Variants in RBFOX1 observed in about 807,000 individuals in gnomAD.
RBFOX1 encodes the protein RNA binding fox-1 homolog 1, also known as RNA binding protein fox-1 homolog 1.
Under a neutral mutation model 57.7 loss-of-function variants are expected in RBFOX1, and 8 were observed. That is an observed-to-expected ratio of 0.14 (90% CI 0.08 to 0.25). The LOEUF (loss-of-function observed/expected upper bound fraction) is 0.25. Among genes scored for constraint, RBFOX1 ranks in the 10% least tolerant of loss-of-function variants. RBFOX1 has a pLI of 1.00. For missense variants in RBFOX1, 611 were observed against 548.5 expected, an observed-to-expected ratio of 1.11 and a Z score of -1.14; for synonymous variants, 326 against 222.4, an observed-to-expected ratio of 1.47 and a Z score of -4.15.
intron 3 of RBFOX1, among the ~76,000 whole-genome samples, chr16:5,827,484 C>A (rs1291898765): frequency 1.3e-5 from 2 of 151,828 alleles, no homozygotes. Context: ...GAAGACAACT[C>A]TCTATGCACC....
At chr16:7,479,348 C>G (rs2063413439) in intron 4 of RBFOX1, among the ~76,000 whole-genome samples, 1 of 152,024 alleles carries the variant, frequency 6.6e-6, no homozygotes, top group African/African-American at 2.4e-5. Context: ...CCAGGCTAGT[C>G]TTGAACTCCT....
At chr16:7,135,388 C>T (rs537103844) in intron 4 of RBFOX1, among the ~76,000 whole-genome samples, 124 of 152,296 alleles carry the variant, frequency 8.1e-4, no homozygotes, top group African/African-American at 2.8e-3. Context: ...AATTTATTTT[C>T]AATGAGCATG....
At chr16:5,416,450 C>T (rs992537213) in intron 1 of RBFOX1, among the ~76,000 whole-genome samples, 38 of 152,080 alleles carry the variant, frequency 2.5e-4, no homozygotes, top group Admixed American at 1.5e-3. Context: ...AACTTTTTCC[C>T]GTGTCGGTTG....
chr16:7,045,399 C>G (rs551190680), intron 3 of RBFOX1, among the ~76,000 whole-genome samples: 1 of 152,196 alleles, frequency 6.6e-6, no homozygotes, highest in East Asian at 1.9e-4. Flanking sequence ...TTGAAATATC[C>G]TTTTTCTTAT....
intron 3 of RBFOX1, among the ~76,000 whole-genome samples, chr16:6,728,291 G>A (rs565958626): frequency 1.3e-5 from 2 of 152,126 alleles, no homozygotes; most frequent in Non-Finnish European, 2.9e-5. Context: ...GAAATACAAG[G>A]TTGCAGTTTA....
intron 1 of RBFOX1, among the ~76,000 whole-genome samples, chr16:5,357,023 T>G (rs1255048740): frequency 6.6e-6 from 1 of 152,184 alleles, no homozygotes; most frequent in Non-Finnish European, 1.5e-5. Context: ...GATGGAGGCT[T>G]ACAGAGTTTA....
In RBFOX1 at chr16:6,329,910, C is replaced by A. The variant is rs555804076; in HGVS notation, c.-64+12853C>A. 3.8e-3 allele frequency among the ~76,000 whole-genome samples: 581 copies of A among 152,274 alleles called. 2 individuals are homozygous for A. Among genetic ancestry groups the A allele is most frequent in the Middle Eastern group, 0.017 (5 of 294 alleles). On this transcript the variant is annotated intron_variant, in intron 2 of 15. Transcript: ENST00000550418. ...CCCAGATCACATGACTGCACTCCAGCCTGGGTGACAGAAGTGAGACTCTGT... is the reference window on the plus strand; with the variant it reads ...CCCAGATCACATGACTGCACTCCAGACTGGGTGACAGAAGTGAGACTCTGT...
chr16:6,477,362 G>T (rs918542103), intron 2 of RBFOX1, among the ~76,000 whole-genome samples: 1 of 152,136 alleles, frequency 6.6e-6, no homozygotes, highest in African/African-American at 2.4e-5. Flanking sequence ...TGATCCATTG[G>T]CTGCAGGAAC....
In RBFOX1 at chr16:6,829,922, T is replaced by TATTTTATTTTG. The variant is rs1231267624; in HGVS notation, c.-16+175272_-16+175273insATTTTATTTTG. Among the ~76,000 whole-genome samples, 1,238 of 151,640 alleles carry TATTTTATTTTG rather than the reference T, an allele frequency of 8.2e-3. 16 individuals carry two copies. The highest frequency in any genetic ancestry group is 0.028 in the African/African-American group (1,172 of 41,304). ...CAGCCCTTTATTTTTATTTTATTTT[T>TATTTTATTTTG]TTTATTTTTTTGAGATGGAGTTTTG... is the stretch of plus-strand genomic sequence containing the variant. On this transcript the variant is annotated intron_variant, in intron 3 of 15. Transcript: ENST00000550418.
chr16:6,153,345 A>C (rs1320089100), intron 1 of RBFOX1, among the ~76,000 whole-genome samples: 1 of 152,230 alleles, frequency 6.6e-6, no homozygotes, highest in Admixed American at 6.5e-5. Flanking sequence ...AACCATTTTG[A>C]ATATTAAATA....
intron 3 of RBFOX1, among the ~76,000 whole-genome samples, chr16:5,637,086 G>C (rs904762926): frequency 3.3e-5 from 5 of 152,170 alleles, no homozygotes; most frequent in African/African-American, 1.2e-4. Flanking sequence ...TATTATCTCT[G>C]CATCATTAGC....
chr16:5,344,668 T>A (rs1340412606), intron 1 of RBFOX1, among the ~76,000 whole-genome samples: 1 of 152,228 alleles, frequency 6.6e-6, no homozygotes, highest in East Asian at 1.9e-4. Flanking sequence ...GCTGGAATTC[T>A]GAACTTCAAC....
At chr16:6,923,982 C>G (rs758453040) in intron 3 of RBFOX1, among the ~76,000 whole-genome samples, 60 of 151,980 alleles carry the variant, frequency 3.9e-4, no homozygotes, top group Non-Finnish European at 7.5e-4. Context: ...CCATCCTGGC[C>G]AACATGGTGA....
At chr16:6,544,195 C>T (rs1163700197) in intron 2 of RBFOX1, among the ~76,000 whole-genome samples, 1 of 152,182 alleles carries the variant, frequency 6.6e-6, no homozygotes, top group African/African-American at 2.4e-5. Context: ...CCCTGTTGAA[C>T]AGGCATTCAC....
At chr16:7,285,924 T>C (rs1473938756) in intron 4 of RBFOX1, among the ~76,000 whole-genome samples, 1 of 152,188 alleles carries the variant, frequency 6.6e-6, no homozygotes, top group Non-Finnish European at 1.5e-5. Context: ...GGGACATGAT[T>C]TTTAAGAGAA....
rs573548057 is a variant in RBFOX1 at position 6,818,624 on chromosome 16, C to T, written c.-16+163974C>T. 3.3e-5 allele frequency among the ~76,000 whole-genome samples: 5 copies of T among 152,270 alleles called. 1 individual carries two copies. The South Asian group carries it at 1.0e-3, about 32-fold the overall frequency. Reference sequence around the variant, plus strand: ...CTAGTAGGGCATGTATCACTCAGCACCTGTGATGAATAGCTGCTATTATTC... The same window carrying T: ...CTAGTAGGGCATGTATCACTCAGCATCTGTGATGAATAGCTGCTATTATTC... On this transcript the variant is annotated intron_variant, in intron 3 of 15. Transcript: ENST00000550418.
intron 3 of RBFOX1, among the ~76,000 whole-genome samples, chr16:5,853,923 C>A (rs1384813901): frequency 1.3e-5 from 2 of 152,166 alleles, no homozygotes; most frequent in African/African-American, 2.4e-5. Flanking sequence ...CTGCACCCAG[C>A]CAAATTCTGG....
chr16:5,366,618 T>C, intron 1 of RBFOX1: 2 of 407,842 alleles, frequency 4.9e-6, no homozygotes, highest in Non-Finnish European at 4.7e-6. Context: ...TCATCAATTA[T>C]GTGAAGAATT....
intron 1 of RBFOX1, among the ~76,000 whole-genome samples, chr16:6,300,762 G>A (rs1017378681): frequency 1.3e-5 from 2 of 152,082 alleles, no homozygotes; most frequent in Non-Finnish European, 2.9e-5. Context: ...TATCACAGTT[G>A]CCACTTTTAC....
Sources: allele counts gnomAD v4.1 joint callset (sites outside exome capture counted in the v4.1 genomes callset), GRCh38; gene constraint gnomAD v4.1.1; transcripts MANE v1.5; gene names NCBI Gene and HGNC (gene_info 2026-07-23, HGNC 2026-07-21).